SKAP2: variants seen among roughly 807,000 people sequenced by gnomAD.
The protein encoded by SKAP2 is src kinase-associated phosphoprotein 2.
SKAP2 carries 28 observed loss-of-function variants against 54.9 expected under a neutral mutation model. The observed-to-expected ratio is 0.51, with a 90% CI of 0.38 to 0.70. The LOEUF is 0.70. Ranked by LOEUF, SKAP2 falls within the 30% of genes least tolerant of loss-of-function variation. SKAP2 has a pLI of 0.00. For missense variants in SKAP2, 356 were observed against 424.1 expected (o/e 0.84, Z 1.41); for synonymous variants, 137 against 134.3 (o/e 1.02, Z -0.14).
chr7:26,843,352 A>G (rs1784856896), intron 4 of SKAP2, among the ~76,000 whole-genome samples: 2 of 152,088 alleles, frequency 1.3e-5, no homozygotes, highest in East Asian at 1.9e-4. Flanking sequence ...TAAGGTTTCT[A>G]TAATGCAGAT....
intron 4 of SKAP2, among the ~76,000 whole-genome samples, chr7:26,764,609 T>C (rs1343822287): frequency 2.0e-5 from 3 of 152,132 alleles, no homozygotes; most frequent in African/African-American, 7.2e-5. Context: ...TTTATTTTTA[T>C]CATACTTTAA....
At chr7:26,794,970 C>T (rs1184890128) in intron 4 of SKAP2, among the ~76,000 whole-genome samples, 1 of 152,180 alleles carries the variant, frequency 6.6e-6, no homozygotes, top group Non-Finnish European at 1.5e-5. Flanking sequence ...CTTCTTCAGC[C>T]TCTTGAACCT....
intron 4 of SKAP2, among the ~76,000 whole-genome samples, chr7:26,833,278 C>A (rs918105360): frequency 2.0e-5 from 3 of 151,804 alleles, no homozygotes; most frequent in African/African-American, 7.3e-5. Flanking sequence ...CACCTGTAGT[C>A]CCAGCTACTC....
chr7:26,840,840 T>C (rs1784803973), intron 4 of SKAP2, among the ~76,000 whole-genome samples: 1 of 152,092 alleles, frequency 6.6e-6, no homozygotes, highest in African/African-American at 2.4e-5. Context: ...ACTCTTATTC[T>C]TTTTCCTAAA....
chr7:26,776,481 A>G (rs913289344), intron 4 of SKAP2, among the ~76,000 whole-genome samples: 12 of 151,856 alleles, frequency 7.9e-5, no homozygotes, highest in African/African-American at 2.9e-4. Flanking sequence ...TTTCCTTCCT[A>G]TAATCTCTAT....
chr7:26,659,894 T>A, the SKAP2 span, among the ~76,000 whole-genome samples: 1 of 152,118 alleles, frequency 6.6e-6, no homozygotes, highest in Admixed American at 6.6e-5. Flanking sequence ...TAACTAGCTT[T>A]TAATACCTAA....
At chr7:26,748,402 A>G (rs1294176188) in intron 4 of SKAP2, among the ~76,000 whole-genome samples, 1 of 152,154 alleles carries the variant, frequency 6.6e-6, no homozygotes, top group Non-Finnish European at 1.5e-5. Context: ...TCAATCATTT[A>G]AAAGTAAGGT....
chr7:26,714,593 T>C (rs1459823128), intron 9 of SKAP2, among the ~76,000 whole-genome samples: 2 of 152,228 alleles, frequency 1.3e-5, no homozygotes, highest in Non-Finnish European at 2.9e-5. Flanking sequence ...TGACATTTTG[T>C]TGAACTTGTT....
At chr7:26,844,589 A>G (rs761519061) in intron 3 of SKAP2, among the ~76,000 whole-genome samples, 12 of 152,182 alleles carry the variant, frequency 7.9e-5, no homozygotes, top group Admixed American at 5.9e-4. Flanking sequence ...TATGATGAGA[A>G]ACTAATAATT....
intron 4 of SKAP2, among the ~76,000 whole-genome samples, chr7:26,775,907 T>C (rs569508215): frequency 1.3e-5 from 2 of 152,316 alleles, no homozygotes; most frequent in South Asian, 2.1e-4. Flanking sequence ...AAGGTATGCA[T>C]ATAGCATAGT....
intron 9 of SKAP2, among the ~76,000 whole-genome samples, chr7:26,716,211 T>C (rs759475021): frequency 3.9e-5 from 6 of 152,192 alleles, no homozygotes; most frequent in Non-Finnish European, 7.4e-5. Context: ...CCTTGGTCTA[T>C]CAGTTTTTGA....
chr7:26,824,176 T>A (rs1005801365), intron 4 of SKAP2, among the ~76,000 whole-genome samples: 3 of 152,106 alleles, frequency 2.0e-5, no homozygotes, highest in African/African-American at 4.8e-5. Flanking sequence ...TCAGCAGCCA[T>A]CCACATTGAG....
intron 6 of SKAP2, among the ~76,000 whole-genome samples, chr7:26,736,941 ACT>A (rs1368632566): frequency 6.6e-6 from 1 of 152,114 alleles, no homozygotes; most frequent in African/African-American, 2.4e-5. Context: ...TATCTAAATA[ACT>A]CTAACTAAAA....
chr7:26,718,542 C>T (rs760503498), intron 9 of SKAP2, among the ~76,000 whole-genome samples: 2 of 151,802 alleles, frequency 1.3e-5, no homozygotes, highest in Non-Finnish European at 2.9e-5. Context: ...GATGAAGTCT[C>T]GCTCTGTCAC....
intron 9 of SKAP2, among the ~76,000 whole-genome samples, chr7:26,712,939 G>A (rs535525650): frequency 1.3e-5 from 2 of 152,126 alleles, no homozygotes; most frequent in Non-Finnish European, 2.9e-5. Flanking sequence ...ATTTGTGTGG[G>A]CAATCTTATA....
At chr7:26,791,281 G>T (rs1434319791) in intron 4 of SKAP2, among the ~76,000 whole-genome samples, 2 of 151,990 alleles carry the variant, frequency 1.3e-5, no homozygotes, top group Admixed American at 6.6e-5. Flanking sequence ...TTGATATGGG[G>T]TCTCACTCTG....
At chr7:26,747,252 G>A (rs1270134426) in intron 4 of SKAP2, among the ~76,000 whole-genome samples, 2 of 152,074 alleles carry the variant, frequency 1.3e-5, no homozygotes, top group African/African-American at 4.8e-5. Flanking sequence ...AGCCTATTAT[G>A]ATATTTCTTT....
chr7:26,763,095 G>C (rs1782968120), intron 4 of SKAP2, among the ~76,000 whole-genome samples: 1 of 152,140 alleles, frequency 6.6e-6, no homozygotes, highest in African/African-American at 2.4e-5. Context: ...CTTCAAGTCT[G>C]AGATCTCAGG....
At chr7:26,770,360 T>C (rs186965842) in intron 4 of SKAP2, among the ~76,000 whole-genome samples, 10 of 152,306 alleles carry the variant, frequency 6.6e-5, no homozygotes, top group African/African-American at 2.4e-4. Context: ...GCAGTGAGAA[T>C]TTCAAGCCAA....
Sources: allele counts gnomAD v4.1 joint callset (sites outside exome capture counted in the v4.1 genomes callset), GRCh38; gene constraint gnomAD v4.1.1; transcripts MANE v1.5; gene names NCBI Gene and HGNC (gene_info 2026-07-23, HGNC 2026-07-21).